Variants in PCDHA6 observed in about 807,000 individuals in gnomAD.
PCDHA6 encodes protocadherin alpha 6.
PCDHA6 carries 55 observed loss-of-function variants against 60.3 expected under a neutral mutation model. That is an observed-to-expected ratio of 0.91 (90% CI 0.73 to 1.14). The LOEUF is 1.14. PCDHA6 is among the 50% of genes most tolerant of loss of function. The pLI, the probability that PCDHA6 is intolerant of heterozygous loss-of-function variation, is 0.00. For synonymous variants in PCDHA6, 652 were observed against 557.9 expected (o/e 1.17, Z -2.38); for missense variants, 1,327 against 1,256.5 (o/e 1.06, Z -0.85).
intron 1 of PCDHA6, chr5:140,884,345 C>A (rs782318945): frequency 1.2e-6 from 2 of 1,613,916 alleles, no homozygotes; most frequent in African/African-American, 2.7e-5. Flanking sequence ...AGAAGCGGCG[C>A]TGGTGGATGT....
chr5:140,843,160 A>C lies in PCDHA6; in HGVS notation c.2394+12675A>C, dbSNP rs2150354112. The stretch of plus-strand genomic sequence containing the variant: ...CGTGGCTTTCGTATGAGCTGCAGCC[A>C]GCTGCAAGCAGCCCTCGCATCCCGT... On this transcript the variant is annotated intron_variant, in intron 1 of 3. Transcript: ENST00000529310. 3.6e-5 allele frequency: 58 copies of C among 1,596,000 alleles called. 4 individuals are homozygous for C. In the South Asian group the frequency reaches 6.1e-4, roughly 17 times the overall value.
At chr5:140,862,305 C>T (rs953461441) in intron 1 of PCDHA6, 3 of 278,650 alleles carry the variant, frequency 1.1e-5, no homozygotes, top group Non-Finnish European at 2.1e-5. Flanking sequence ...CCACTGGGTA[C>T]CGTCATAGCC....
chr5:140,964,785 C>G (rs890090665), intron 1 of PCDHA6, among the ~76,000 whole-genome samples: 40 of 151,526 alleles, frequency 2.6e-4, no homozygotes, highest in African/African-American at 9.7e-4. Context: ...GAGGAAGAAG[C>G]CAGAGACCCA....
chr5:141,000,418 T>C (rs2097923101), intron 3 of PCDHA6, among the ~76,000 whole-genome samples: 1 of 83,682 alleles, frequency 1.2e-5, no homozygotes, highest in Admixed American at 1.7e-4. Flanking sequence ...TATATATATA[T>C]ATATTTTTTT....
At chr5:140,841,556 C>A (rs2150318181) in intron 1 of PCDHA6, 1 of 1,613,884 alleles carries the variant, frequency 6.2e-7, no homozygotes, top group South Asian at 1.1e-5. Flanking sequence ...GGAGGTAAGT[C>A]TGCAGAATGG....
chr5:140,836,604 T>C (rs2150265296), intron 1 of PCDHA6: 1 of 1,613,700 alleles, frequency 6.2e-7, no homozygotes, highest in African/African-American at 1.3e-5. Flanking sequence ...CACTCTGGTG[T>C]GCTCCAGCGC....
rs1554228572 is a variant in PCDHA6 at position 140,966,716 on chromosome 5, G to A, written c.2395-12233G>A. On this transcript the variant is annotated intron_variant, in intron 1 of 3. Transcript: ENST00000529310. Reference sequence around the variant, plus strand: ...GGCCCGGGCGTGGGGCACGGCTGGGGAAGCTGCCGCCTCCGGCCCTGCCCG... The same window carrying A: ...GGCCCGGGCGTGGGGCACGGCTGGGAAAGCTGCCGCCTCCGGCCCTGCCCG... The A allele has an allele frequency of 2.3e-5, 32 of 1,394,682 alleles. No homozygotes were observed. The South Asian group carries it at 5.0e-4, about 22-fold the overall frequency. The allele number at this position is 1,394,682 out of a possible 1,614,324, so 86.4% of individuals were successfully genotyped here. A position where few individuals can be genotyped will look rare whatever the true frequency, so the allele number is the denominator to read the frequency against.
chr5:141,012,057 A>G lies in PCDHA6; in HGVS notation c.*2120A>G, dbSNP rs2098422809. 6.5e-6 allele frequency: 1 copy of G among 153,774 alleles called. No individual in the cohort carries two copies. Among genetic ancestry groups the G allele is most frequent in the African/African-American group, 2.4e-5 (1 of 41,454 alleles). The allele number at this position is 153,774 out of a possible 1,614,324, so 9.5% of individuals were successfully genotyped here. A position where few individuals can be genotyped will look rare whatever the true frequency, so the allele number is the denominator to read the frequency against. Reference sequence around the variant, plus strand: ...ATTGCATGGGGTAAAACTTGTTACCAACACATGTGAACCATTGCTACATTG... The same window carrying G: ...ATTGCATGGGGTAAAACTTGTTACCGACACATGTGAACCATTGCTACATTG... On this transcript the variant is annotated 3_prime_UTR_variant, in exon 4 of 4. Transcript: ENST00000529310.
At chr5:140,982,030 C>G (rs2096963361) in intron 2 of PCDHA6, among the ~76,000 whole-genome samples, 1 of 152,196 alleles carries the variant, frequency 6.6e-6, no homozygotes, top group South Asian at 2.1e-4. Flanking sequence ...TGGAACAATA[C>G]TCCAATTATC....
chr5:140,842,929 C>T lies in PCDHA6; in HGVS notation c.2394+12444C>T, dbSNP rs2150347942. On this transcript the variant is annotated intron_variant, in intron 1 of 3. Coordinates refer to ENST00000529310, the MANE Select transcript of PCDHA6 (RefSeq NM_018909.4). ...TAGAGCTGCTGCAGTTCCAGGTGAG[C>T]GCGCGCGACGCGGGCGTGCCGCCTC... 1.0e-5 allele frequency: 16 copies of T among 1,594,270 alleles called. 1 individual carries two copies. Among genetic ancestry groups the T allele is most frequent in the African/African-American group, 8.1e-5 (6 of 74,356 alleles).
intron 1 of PCDHA6, chr5:140,928,400 C>G: frequency 6.2e-7 from 1 of 1,614,038 alleles, no homozygotes; most frequent in Non-Finnish European, 8.5e-7. Flanking sequence ...GTGGAATCAT[C>G]CAGTGGGGCC....
Position 140,829,599 on chromosome 5 carries a change from C to A in PCDHA6, c.1508C>A (p.Ala503Glu), listed in dbSNP as rs1770425263. ...GTGGAGCGGCGGGTGGGCGAGCGCG[C>A]GTTGTCGAGCTACATTTCGGTGCAC... is the stretch of plus-strand genomic sequence containing the variant. ...SLVERRVGER[A>E]LSSYISVHAE... Residue 503 changes from alanine to glutamate, a missense_variant, in exon 1 of 4, where the codon GCG (alanine) becomes GAG (glutamate). Physicochemically the swap from Ala to Glu is moderately radical, Grantham distance 107. Transcript: ENST00000529310. 15 of 1,612,030 alleles carry A rather than the reference C, an allele frequency of 9.3e-6. No individual in the cohort carries two copies. In the East Asian group the frequency reaches 3.3e-4, roughly 36 times the overall value.
At chr5:140,882,408 G>T in intron 1 of PCDHA6, 2 of 1,614,138 alleles carry the variant, frequency 1.2e-6, no homozygotes, top group Non-Finnish European at 8.5e-7. Flanking sequence ...TTCGTGGGCC[G>T]CATCGCTCAG....
rs781792274 is a variant in PCDHA6 at position 140,927,895 on chromosome 5, G to C, written c.2395-51054G>C. ...GCTGGTGGAGGTGACTGACGTGAAC[G>C]ATCATGCCCCCGAACTGGACTTCCT... On this transcript the variant is annotated intron_variant, in intron 1 of 3. Coordinates refer to ENST00000529310, the MANE Select transcript of PCDHA6 (RefSeq NM_018909.4). The C allele has an allele frequency of 3.7e-6, 6 of 1,614,074 alleles. No homozygotes were observed. The South Asian group carries it at 6.6e-5, about 18-fold the overall frequency.
At chr5:140,969,170 G>A in intron 1 of PCDHA6, 1 of 1,614,114 alleles carries the variant, frequency 6.2e-7, no homozygotes. Flanking sequence ...AGCAGGCTCA[G>A]GGAGTGACAC....
intron 1 of PCDHA6, among the ~76,000 whole-genome samples, chr5:140,915,401 A>G (rs536178543): frequency 1.3e-5 from 2 of 152,300 alleles, no homozygotes; most frequent in African/African-American, 4.8e-5. Flanking sequence ...TATTTCTTAT[A>G]GTCTTTGCAG....
At chr5:140,987,995 C>T (rs1554249784) in intron 3 of PCDHA6, among the ~76,000 whole-genome samples, 3 of 152,178 alleles carry the variant, frequency 2.0e-5, no homozygotes, top group African/African-American at 7.2e-5. Flanking sequence ...CATCTCTGAT[C>T]CTTCCCCAGA....
At chr5:140,965,343 T>C (rs1460433512) in intron 1 of PCDHA6, among the ~76,000 whole-genome samples, 1 of 152,154 alleles carries the variant, frequency 6.6e-6, no homozygotes, top group Admixed American at 6.5e-5. Flanking sequence ...TGTCTCTGTG[T>C]TGCCTCTATA....
At chr5:140,882,832 A>T (rs781961557) in intron 1 of PCDHA6, 1 of 1,614,216 alleles carries the variant, frequency 6.2e-7, no homozygotes, top group Non-Finnish European at 8.5e-7. Flanking sequence ...GTCTTGAGCA[A>T]ATGTCTTCAT....
Sources: allele counts gnomAD v4.1 joint callset (sites outside exome capture counted in the v4.1 genomes callset), GRCh38; gene constraint gnomAD v4.1.1; transcripts MANE v1.5; gene names NCBI Gene and HGNC (gene_info 2026-07-23, HGNC 2026-07-21).